The following CT55 variants were observed in gnomAD, a reference collection of about 807,000 sequenced individuals.
CT55 encodes BRCA2-interacting protein.
Under a neutral mutation model 12.6 loss-of-function variants are expected in CT55, and 1 was observed. That is an observed-to-expected ratio of 0.08 (90% confidence interval 0.03 to 0.38). CT55 has a LOEUF of 0.38. CT55 is among the 10% of genes least tolerant of loss of function. CT55 has a pLI of 0.99. For missense variants in CT55, 109 were observed against 135.4 expected, an observed-to-expected ratio of 0.80 and a Z score of 0.97; for synonymous variants, 43 against 49.7, an observed-to-expected ratio of 0.87 and a Z score of 0.57.
intron 2 of CT55, among the ~76,000 whole-genome samples, chrX:135,163,156 C>T (rs150781289): frequency 0.024 from 2,744 of 112,329 alleles, 24 homozygotes; most frequent in Middle Eastern, 0.032. Context: ...GATATAAACA[C>T]ATTACCACAA....
intron 2 of CT55, among the ~76,000 whole-genome samples, chrX:135,166,105 C>G (rs782308457): frequency 1.0e-5 from 1 of 95,936 alleles, no homozygotes; most frequent in Non-Finnish European, 2.0e-5. Context: ...TCTGTCACAA[C>G]GCATTACCCT....
Position 135,164,784 on chromosome X carries a change from A to C in CT55, c.280-4229T>G, listed in dbSNP as rs185074289. On this transcript the variant is annotated intron_variant, in intron 2 of 5. Coordinates refer to ENST00000276241, the MANE Select transcript of CT55 (RefSeq NM_001031705.3). ...AAACCAAAAGAGAGCAGGAGCTGCT[A>C]AACTGATTTCAAATAAAATAGAGTT... Among the ~76,000 whole-genome samples the C allele has an allele frequency of 8.1e-4, 91 of 112,611 alleles. 1 individual carries two copies. Among genetic ancestry groups the C allele is most frequent in the African/African-American group, 2.9e-3 (89 of 31,066 alleles).
intron 2 of CT55, among the ~76,000 whole-genome samples, chrX:135,168,797 A>G (rs184340909): frequency 8.9e-6 from 1 of 112,110 alleles, no homozygotes; most frequent in East Asian, 2.8e-4. Flanking sequence ...ATGGTATCAG[A>G]CGAAATACTA....
intron 2 of CT55, among the ~76,000 whole-genome samples, chrX:135,168,047 T>C (rs2083593611): frequency 8.9e-6 from 1 of 111,839 alleles, no homozygotes; most frequent in Admixed American, 9.5e-5. Context: ...TCCCCAATAT[T>C]TTAACAATGG....
At chrX:135,169,935 C>T (rs1183127759) in intron 1 of CT55, among the ~76,000 whole-genome samples, 157 bp from the exon 2 acceptor site, 5 of 111,931 alleles carry the variant, frequency 4.5e-5, no homozygotes, top group African/African-American at 1.3e-4. Context: ...ATCACAATTT[C>T]GCCTAATAGG....
intron 2 of CT55, among the ~76,000 whole-genome samples, chrX:135,163,294 G>T (rs1481034793): frequency 2.7e-5 from 3 of 112,445 alleles, no homozygotes; most frequent in Non-Finnish European, 5.6e-5. Flanking sequence ...TTTTCCACAT[G>T]CTCTGTGAAC....
intron 2 of CT55, among the ~76,000 whole-genome samples, chrX:135,161,799 C>T (rs1354674672): frequency 5.3e-5 from 6 of 112,413 alleles, no homozygotes; most frequent in African/African-American, 1.9e-4. Context: ...TGGTGTCTTT[C>T]CAGCTGTCAA....
upstream of CT55, among the ~76,000 whole-genome samples, chrX:135,171,720 G>A (rs2083612682): frequency 2.7e-5 from 3 of 111,481 alleles, no homozygotes; most frequent in African/African-American, 6.6e-5. Context: ...CTCAGTGGGC[G>A]GTCAATAGTT....
intron 3 of CT55, 36 bp from the exon 4 acceptor site, chrX:135,158,347 C>G: frequency 1.2e-6 from 1 of 859,363 alleles, no homozygotes; most frequent in Non-Finnish European, 1.7e-6. Flanking sequence ...GTGTCATGAT[C>G]TCTTAACTAG....
chrX:135,171,527 T>C (rs2083611536), upstream of CT55: 1 of 161,796 alleles, frequency 6.2e-6, no homozygotes, highest in Non-Finnish European at 1.2e-5. Flanking sequence ...CCATCAAGGC[T>C]GAGGGAGCCA....
At chrX:135,161,836 CACTT>C (rs782748870) in intron 2 of CT55, among the ~76,000 whole-genome samples, 1 of 112,535 alleles carries the variant, frequency 8.9e-6, no homozygotes, top group Non-Finnish European at 1.9e-5. Flanking sequence ...ATTATCCCCT[CACTT>C]ACTGTCATGA....
upstream of CT55, among the ~76,000 whole-genome samples, chrX:135,171,638 A>G (rs1332924261): frequency 9.0e-6 from 1 of 111,428 alleles, no homozygotes; most frequent in Non-Finnish European, 1.9e-5. Context: ...TGGGTGCCTG[A>G]AACACCGGCT....
chrX:135,165,846 T>C (rs2083581509), intron 2 of CT55, among the ~76,000 whole-genome samples: 1 of 108,777 alleles, frequency 9.2e-6, no homozygotes, highest in Non-Finnish European at 1.9e-5. Context: ...CCTGGACACA[T>C]ACAACCTACC....
chrX:135,158,159 TAGC>T (rs2083545021), intron 4 of CT55, 37 bp downstream of exon 4: 1 of 840,790 alleles, frequency 1.2e-6, no homozygotes, highest in Non-Finnish European at 1.8e-6. Flanking sequence ...AAGGAAGAGT[TAGC>T]AGAAACTGCT....
chrX:135,170,033 G>A (rs1380925975), intron 1 of CT55, among the ~76,000 whole-genome samples: 1 of 111,417 alleles, frequency 9.0e-6, no homozygotes, highest in Non-Finnish European at 1.9e-5. Context: ...TTTGAGCAGA[G>A]TCTGGCTCTG....
intron 1 of CT55, among the ~76,000 whole-genome samples, chrX:135,170,828 C>T (rs781865345): frequency 8.9e-6 from 1 of 111,860 alleles, no homozygotes; most frequent in African/African-American, 3.2e-5. Flanking sequence ...AAAGCACAGG[C>T]GGTACAGACC....
chrX:135,160,647 T>G, intron 2 of CT55, 92 bp from the exon 3 acceptor site: 7 of 979,302 alleles, frequency 7.1e-6, no homozygotes, highest in Non-Finnish European at 9.6e-6. Flanking sequence ...AAAAATATTT[T>G]CAACAGCCAT....
chrX:135,159,586 T>A (rs2083553504), intron 3 of CT55, among the ~76,000 whole-genome samples: 2 of 111,405 alleles, frequency 1.8e-5, no homozygotes, highest in Admixed American at 1.9e-4. Context: ...AACTCAATCC[T>A]CAGGTTTTCC....
chrX:135,160,653 G>A, intron 2 of CT55, 98 bp from the exon 3 acceptor site: 1 of 971,149 alleles, frequency 1.0e-6, no homozygotes, highest in Non-Finnish European at 1.4e-6. Flanking sequence ...ATTTTCAACA[G>A]CCATCCTAAA....
Sources: gnomAD v4.1 joint callset for allele counts (sites outside exome capture counted in the v4.1 genomes callset) on GRCh38, gnomAD v4.1.1 for gene constraint, MANE v1.5 for transcripts, NCBI Gene and HGNC (gene_info 2026-07-23, HGNC 2026-07-21) for gene names.